PPP1R13L: variants seen among roughly 807,000 people sequenced by gnomAD.
PPP1R13L encodes the protein protein phosphatase 1 regulatory subunit 13 like.
PPP1R13L carries 50 observed loss-of-function variants against 80.9 expected under a neutral mutation model. That is an observed-to-expected ratio of 0.62 (90% confidence interval 0.49 to 0.78). The LOEUF (loss-of-function observed/expected upper bound fraction) is 0.78, where lower values mean the gene tolerates loss of function less well. Among genes scored for constraint, PPP1R13L ranks in the 30% least tolerant of loss-of-function variants. The probability of loss-of-function intolerance (pLI) is 0.00; values close to 1 mark genes in which losing one functional copy is unlikely to be tolerated. For missense variants in PPP1R13L, 1,200 were observed against 1,205.9 expected (o/e 1.00, Z 0.07); for synonymous variants, 602 against 534.3 (o/e 1.13, Z -1.75).
intron 12 of PPP1R13L, 55 bp from the exon 13 acceptor site, chr19:45,380,283 T>C (rs1972737480): frequency 1.3e-6 from 2 of 1,598,666 alleles, no homozygotes; most frequent in Non-Finnish European, 1.7e-6. Context: ...TCATCCCACA[T>C]GCAAATCCGC....
intron 1 of PPP1R13L, among the ~76,000 whole-genome samples, chr19:45,403,291 A>G (rs1388782368): frequency 1.3e-5 from 2 of 151,904 alleles, no homozygotes; most frequent in Non-Finnish European, 2.9e-5. Flanking sequence ...AGGGGTCCAG[A>G]CTCAATGTAA....
chr19:45,392,087 G>A lies in PPP1R13L; in HGVS notation c.1608C>T (p.Pro536=), dbSNP rs1438357693. 12 of 1,542,552 alleles carry A rather than the reference G, an allele frequency of 7.8e-6. No individual in the cohort carries two copies. Among genetic ancestry groups the A allele is most frequent in the Non-Finnish European group, 8.7e-6 (10 of 1,144,752 alleles). The change falls in exon 8 of 13, where the codon CCC becomes CCT. Residue 536 remains proline (P), a synonymous_variant. Coordinates refer to ENST00000360957, the MANE Select transcript of PPP1R13L (RefSeq NM_006663.4). ...SMEQAPAVAL[P]PTHKKQYQQI... is the part of the protein sequence containing the mutation. ...GCTGGTACTGTTTCTTGTGGGTAGGGGGCAGGGCCACAGCAGGGGCCTGCT... is the reference window on the plus strand; with the variant it reads ...GCTGGTACTGTTTCTTGTGGGTAGGAGGCAGGGCCACAGCAGGGGCCTGCT...
Position 45,380,022 on chromosome 19 carries a change from G to A in PPP1R13L, c.*168C>T. On this transcript the variant is annotated 3_prime_UTR_variant, in exon 13 of 13. Coordinates refer to ENST00000360957, the MANE Select transcript of PPP1R13L (RefSeq NM_006663.4). ...AGGCAGATTACTAAATTTAAGGCTG[G>A]GGCCCTCCTTCTTCCCTGGACTTCC... is the stretch of plus-strand genomic sequence containing the variant. The A allele has an allele frequency of 1.4e-6, 1 of 734,110 alleles. No individual in the cohort carries two copies. Among genetic ancestry groups the A allele is most frequent in the Non-Finnish European group, 2.3e-6 (1 of 440,838 alleles). 45.5% of individuals were successfully genotyped at this position (734,110 alleles called of 1,614,324 possible). A position where few individuals can be genotyped will look rare whatever the true frequency, so the allele number is the denominator to read the frequency against.
chr19:45,394,433 G>A (rs189400644), intron 7 of PPP1R13L, among the ~76,000 whole-genome samples: 200 of 151,964 alleles, frequency 1.3e-3, no homozygotes, highest in Middle Eastern at 3.4e-3. Context: ...GGTGAGCCAC[G>A]GTGCCTGGCT....
intron 1 of PPP1R13L, among the ~76,000 whole-genome samples, chr19:45,401,263 G>C (rs1012660704): frequency 1.1e-4 from 17 of 151,354 alleles, no homozygotes; most frequent in African/African-American, 3.9e-4. Flanking sequence ...GCTGAGGCAG[G>C]AGAATGGTGT....
chr19:45,403,633 C>T (rs558975614), intron 1 of PPP1R13L, among the ~76,000 whole-genome samples: 2 of 152,286 alleles, frequency 1.3e-5, no homozygotes, highest in South Asian at 4.1e-4. Context: ...ACCCAAGATT[C>T]CTCTAGACAA....
At chr19:45,383,848 G>C (rs1409967225) in intron 11 of PPP1R13L, among the ~76,000 whole-genome samples, 2 of 151,734 alleles carry the variant, frequency 1.3e-5, no homozygotes, top group Non-Finnish European at 2.9e-5. Flanking sequence ...TGCAACCTCC[G>C]CCTCCTGGGT....
intron 7 of PPP1R13L, 58 bp downstream of exon 7, chr19:45,395,378 C>T (rs1407970804): frequency 9.6e-6 from 15 of 1,564,076 alleles, no homozygotes; most frequent in Non-Finnish European, 1.2e-5. Flanking sequence ...CTGGTCTGGT[C>T]CCCCTGCCAT....
At chr19:45,400,160 G>T (rs1215085346) in intron 1 of PPP1R13L, among the ~76,000 whole-genome samples, 2 of 151,922 alleles carry the variant, frequency 1.3e-5, no homozygotes, top group Non-Finnish European at 2.9e-5. Context: ...AGATTAGAGG[G>T]GTCCTAGAGG....
At chr19:45,385,412 G>T (rs150867701) in intron 11 of PPP1R13L, 150 bp downstream of exon 11, 27 of 944,054 alleles carry the variant, frequency 2.9e-5, no homozygotes, top group Non-Finnish European at 3.7e-5. Context: ...ACCCCCGCAA[G>T]CGGTCCATCC....
intron 11 of PPP1R13L, among the ~76,000 whole-genome samples, chr19:45,384,792 G>A (rs549112701): frequency 1.1e-4 from 17 of 152,096 alleles, no homozygotes; most frequent in Non-Finnish European, 1.6e-4. Flanking sequence ...GGTGGAGGTT[G>A]CAGTGAGCCG....
chr19:45,398,589 T>C (rs572941522), intron 1 of PPP1R13L, among the ~76,000 whole-genome samples: 45 of 149,424 alleles, frequency 3.0e-4, no homozygotes, highest in African/African-American at 8.8e-4. Flanking sequence ...TCTTTTCTTT[T>C]TTTTTTTTTT....
At chr19:45,388,878 C>T (rs1170504488) in intron 8 of PPP1R13L, among the ~76,000 whole-genome samples, 3 of 151,912 alleles carry the variant, frequency 2.0e-5, no homozygotes, top group Non-Finnish European at 1.5e-5. Flanking sequence ...GCTGGGATTA[C>T]AGGCATGCAC....
At chr19:45,397,880 C>G in intron 3 of PPP1R13L, 125 bp downstream of exon 3, 2 of 1,309,804 alleles carry the variant, frequency 1.5e-6, no homozygotes, top group Non-Finnish European at 1.0e-6. Flanking sequence ...CCCCTTTTTT[C>G]AAGTTCCCTT....
chr19:45,387,778 C>G (rs901940611), intron 8 of PPP1R13L, among the ~76,000 whole-genome samples: 3 of 152,182 alleles, frequency 2.0e-5, no homozygotes, highest in Admixed American at 1.3e-4. Context: ...GTCTTGTTCT[C>G]CTGACCTCGT....
At chr19:45,405,905 C>G (rs1973341483), upstream of PPP1R13L, among the ~76,000 whole-genome samples, 1 of 152,236 alleles carries the variant, frequency 6.6e-6, no homozygotes, top group Non-Finnish European at 1.5e-5. Context: ...TGTTTACACG[C>G]TCCCTGGGGC....
chr19:45,402,445 A>G (rs890034273), intron 1 of PPP1R13L, among the ~76,000 whole-genome samples: 1 of 152,184 alleles, frequency 6.6e-6, no homozygotes, highest in African/African-American at 2.4e-5. Flanking sequence ...GGAAATGCCA[A>G]CCCTGGGTGT....
chr19:45,385,603 G>GGC lies in PPP1R13L; in HGVS notation c.2206_2207insGC (p.Pro736ArgfsTer23). The GGC allele has an allele frequency of 6.2e-7, 1 of 1,613,184 alleles. No homozygotes were observed. Reference sequence around the variant, plus strand: ...GCAGTCAGCATAACCCTCGCGGTAAGGGTCGCACTTCTCGAAGGCGGTGGC... The same window carrying GGC: ...GCAGTCAGCATAACCCTCGCGGTAAGGCGGTCGCACTTCTCGAAGGCGGTGGC... On this transcript the variant is annotated frameshift_variant, in exon 11 of 13. Coordinates refer to ENST00000360957, the MANE Select transcript of PPP1R13L (RefSeq NM_006663.4). LOFTEE classifies it high-confidence loss of function.
In PPP1R13L at chr19:45,386,059, G is replaced by T; in HGVS notation, c.1937C>A (p.Ala646Glu). The T allele has an allele frequency of 6.3e-7, 1 of 1,586,262 alleles. No homozygotes were observed. The highest frequency in any genetic ancestry group is 1.1e-5 in the South Asian group (1 of 88,062). Residue 646 changes from alanine (A) to glutamate (E), a missense_variant, in exon 9 of 13, where the codon GCG becomes GAG. Physicochemically the swap from Ala to Glu is moderately radical, Grantham distance 107. Transcript: ENST00000360957. The stretch of plus-strand genomic sequence containing the variant: ...CTCAGCAGCGCTCACCTCCTTCACC[G>T]CCTGCTGCACCACCTCCAGCTCCCC... ...LTGELEVVQQ[A>E]VKEMNDPSQP...
Sources: allele counts gnomAD v4.1 joint callset (sites outside exome capture counted in the v4.1 genomes callset), GRCh38; gene constraint gnomAD v4.1.1; transcripts MANE v1.5; gene names NCBI Gene and HGNC (gene_info 2026-07-23, HGNC 2026-07-21).